Variants in SASH1 observed in about 807,000 individuals in gnomAD.
SASH1 encodes the protein SAM and SH3 domain-containing protein 1.
SASH1 carries 44 observed loss-of-function variants against 125.2 expected under a neutral mutation model. That is an observed-to-expected ratio of 0.35 (90% CI 0.28 to 0.45). The LOEUF (loss-of-function observed/expected upper bound fraction) is 0.45. Ranked by LOEUF, SASH1 falls within the 20% of genes least tolerant of loss-of-function variation. The pLI is 1.00. For missense variants in SASH1, 1,426 were observed against 1,614.5 expected, an observed-to-expected ratio of 0.88 and a Z score of 2.00; for synonymous variants, 639 against 649.1, an observed-to-expected ratio of 0.98 and a Z score of 0.24.
the SASH1 span, among the ~76,000 whole-genome samples, chr6:148,218,486 A>G: frequency 1.3e-5 from 2 of 152,228 alleles, no homozygotes. Context: ...TTAGTGGGAC[A>G]TTCCTCTACT....
Position 148,471,514 on chromosome 6 carries a change from G to A in SASH1, c.514+11G>A, listed in dbSNP as rs1288992475. On this transcript the variant is annotated intron_variant, in intron 6 of 19. Coordinates refer to ENST00000367467, the MANE Select transcript of SASH1 (RefSeq NM_015278.5). ...GACAGACTTCAAAAGGTACTGCAATGCAGCTGGCGGACAGTAGGTCCTTTT... is the reference window on the plus strand; with the variant it reads ...GACAGACTTCAAAAGGTACTGCAATACAGCTGGCGGACAGTAGGTCCTTTT... 2.0e-6 allele frequency: 3 copies of A among 1,519,056 alleles called. No individual in the cohort carries two copies. The East Asian group carries it at 6.8e-5, about 34-fold the overall frequency. 94.1% of individuals were successfully genotyped at this position (1,519,056 alleles called of 1,614,324 possible).
At chr6:148,328,032 G>A (rs1267682738) in intron 1 of SASH1, among the ~76,000 whole-genome samples, 1 of 152,002 alleles carries the variant, frequency 6.6e-6, no homozygotes, top group Non-Finnish European at 1.5e-5. Context: ...AGTGTTTTAT[G>A]GCAGTTTTTC....
the SASH1 span, among the ~76,000 whole-genome samples, chr6:148,209,090 A>G: frequency 1.3e-5 from 2 of 152,340 alleles, no homozygotes; most frequent in East Asian, 3.9e-4. Flanking sequence ...ATCTGTCTCC[A>G]CTAATGCATG....
At chr6:148,462,380 G>A (rs73585678) in intron 4 of SASH1, among the ~76,000 whole-genome samples, 2,986 of 150,150 alleles carry the variant, frequency 0.02, 99 homozygotes, top group African/African-American at 0.07. Flanking sequence ...TTAGGAATTT[G>A]TTTATGCTTG....
intron 9 of SASH1, among the ~76,000 whole-genome samples, chr6:148,518,512 T>C (rs1177155023): frequency 6.6e-6 from 1 of 152,172 alleles, no homozygotes; most frequent in South Asian, 2.1e-4. Context: ...ATAGCTCCCC[T>C]TTTTCTCTGA....
intron 1 of SASH1, among the ~76,000 whole-genome samples, chr6:148,277,810 G>A (rs576902550): frequency 2.1e-4 from 32 of 152,134 alleles, no homozygotes; most frequent in African/African-American, 7.0e-4. Context: ...TCCGCCTCCC[G>A]GGTTCAAGCG....
At position 148,385,945 on chromosome 6, in the gene SASH1, A is replaced by G. The variant is rs147912091; in HGVS notation, c.157-4189A>G. On this transcript the variant is annotated intron_variant, in intron 1 of 19. Transcript: ENST00000367467. ...CACTCTAGCAAATTAATTGAGCCCC[A>G]AAAGGGGGTCGTGGGAACCCTAATT... Among the ~76,000 whole-genome samples, 417 of 152,324 alleles carry G rather than the reference A, an allele frequency of 2.7e-3. 3 individuals are homozygous for G. Among genetic ancestry groups the G allele is most frequent in the African/African-American group, 9.6e-3 (398 of 41,576 alleles).
Position 148,349,241 on chromosome 6 carries a change from CTTCTTTCTTTCTTTTTTTTT to C in SASH1, c.156+6021_156+6040del, listed in dbSNP as rs1465298449. Among the ~76,000 whole-genome samples the C allele has an allele frequency of 1.3e-4, 11 of 87,126 alleles. No individual in the cohort carries two copies. The South Asian group carries it at 2.5e-3, about 20-fold the overall frequency. 57.2% of individuals were successfully genotyped at this position (87,126 alleles called of 152,430 possible). A position where few individuals can be genotyped will look rare whatever the true frequency, so the allele number is the denominator to read the frequency against. ...AAGTAACTTTTTTATTTCATTCTTT[CTTCTTTCTTTCTTTTTTTTT>C]TTTTTTTTTTTTTTTTTTTTGAGTG... On this transcript the variant is annotated intron_variant, in intron 1 of 19. Coordinates refer to ENST00000367467, the MANE Select transcript of SASH1 (RefSeq NM_015278.5).
At chr6:148,236,572 G>A in the SASH1 span, among the ~76,000 whole-genome samples, 2 of 152,156 alleles carry the variant, frequency 1.3e-5, no homozygotes, top group Non-Finnish European at 2.9e-5. Flanking sequence ...AGGAGATAGA[G>A]TCAGTTCGTA....
In SASH1 at chr6:148,532,862, G is replaced by A. The variant is rs745788826; in HGVS notation, c.1630G>A (p.Gly544Arg). ...CCGGGAAAGCGTCAAGTCGGAAGAT[G>A]GGGATGACGAAGAGCCGCCTTACCG... ...SNRESVKSED[G>R]DDEEPPYRGP... The change falls in exon 14 of 20, where the codon GGG (glycine) becomes AGG (arginine). Residue 544 changes from glycine (G) to arginine (R), a missense_variant. By Grantham distance (125) the Gly-to-Arg change is moderately radical (BLOSUM62 -2). Coordinates refer to ENST00000367467, the MANE Select transcript of SASH1 (RefSeq NM_015278.5). The surrounding 1 kb of genome is among the most constrained non-coding windows in gnomAD (Gnocchi z 4.7). 1 of 1,614,264 alleles carries A rather than the reference G, an allele frequency of 6.2e-7. No individual in the cohort carries two copies. The highest frequency in any genetic ancestry group is 8.5e-7 in the Non-Finnish European group (1 of 1,180,046).
At chr6:148,341,302 C>G (rs139769541), upstream of SASH1, among the ~76,000 whole-genome samples, 417 of 150,158 alleles carry the variant, frequency 2.8e-3, 3 homozygotes, top group African/African-American at 9.4e-3. Flanking sequence ...TGTTCCAACA[C>G]TCTTGCTATG....
At position 148,544,644 on chromosome 6, in the gene SASH1, C is replaced by T. The variant is rs751383942; in HGVS notation, c.3174C>T (p.Pro1058=). Residue 1058 remains proline, a synonymous_variant, in exon 18 of 20, where the codon CCC becomes CCT. Transcript: ENST00000367467. This position sits in a 1 kb window ranked among gnomAD's most constrained non-coding sequence, Gnocchi z 6.4. ...APGSPPSTRP[P]PWLSELPENT... ...GCAGCCCACCAAGCACAAGGCCGCC[C>T]CCCTGGCTCTCAGAGCTCCCCGAGA... The T allele has an allele frequency of 1.2e-6, 2 of 1,613,474 alleles. No individual in the cohort carries two copies. Among genetic ancestry groups the T allele is most frequent in the Non-Finnish European group, 8.5e-7 (1 of 1,179,822 alleles).
chr6:148,545,221 CA>C (rs1217156841), intron 18 of SASH1, among the ~76,000 whole-genome samples: 1 of 151,570 alleles, frequency 6.6e-6, no homozygotes, highest in African/African-American at 2.4e-5. Context: ...ATTTCTCATT[CA>C]AAAAAAATGA....
chr6:148,253,943 T>C, the SASH1 span, among the ~76,000 whole-genome samples: 5 of 152,150 alleles, frequency 3.3e-5, no homozygotes, highest in Admixed American at 6.5e-5. Context: ...CGGTGGTTTA[T>C]GCCTGTAATC....
At chr6:148,311,311 T>C (rs1780324096) in intron 1 of SASH1, among the ~76,000 whole-genome samples, 1 of 151,824 alleles carries the variant, frequency 6.6e-6, no homozygotes, top group Admixed American at 6.6e-5. Context: ...TTCACCATGT[T>C]GGCCAGGCTC....
intron 1 of SASH1, among the ~76,000 whole-genome samples, chr6:148,343,555 C>T (rs1781415255): frequency 6.6e-6 from 1 of 152,140 alleles, no homozygotes; most frequent in Non-Finnish European, 1.5e-5. Context: ...TTGGTTGGTG[C>T]TGGATTAGGG....
chr6:148,324,118 C>CAAAA (rs56950339), intron 1 of SASH1, among the ~76,000 whole-genome samples: 709 of 59,426 alleles, frequency 0.012, 67 homozygotes, highest in African/African-American at 0.047. Context: ...GAATCTGTCT[C>CAAAA]AAAAAAAAAA....
intron 15 of SASH1, among the ~76,000 whole-genome samples, chr6:148,534,550 A>ATGAT (rs988374849): frequency 1.3e-5 from 2 of 152,196 alleles, no homozygotes; most frequent in African/African-American, 4.8e-5. Flanking sequence ...TTCCTAACCC[A>ATGAT]TGATTAATAA....
intron 1 of SASH1, among the ~76,000 whole-genome samples, chr6:148,355,607 G>A (rs1287651322): frequency 6.6e-6 from 1 of 152,180 alleles, no homozygotes; most frequent in Non-Finnish European, 1.5e-5. Context: ...ATGCCCCTGA[G>A]TGGCTGCATA....
Sources: allele counts gnomAD v4.1 joint callset (sites outside exome capture counted in the v4.1 genomes callset), GRCh38; gene constraint gnomAD v4.1.1; non-coding constraint Gnocchi (gnomAD v3.1); transcripts MANE v1.5; gene names NCBI Gene and HGNC (gene_info 2026-07-23, HGNC 2026-07-21).